The following PAPPA2 variants were observed in gnomAD, a reference collection of about 807,000 sequenced individuals.
The protein encoded by PAPPA2 is pappalysin 2.
Under a neutral mutation model 176.4 loss-of-function variants are expected in PAPPA2, and 86 were observed. The observed-to-expected ratio is 0.49, with a 90% confidence interval of 0.41 to 0.58. The LOEUF (loss-of-function observed/expected upper bound fraction) is 0.58, where lower values mean the gene tolerates loss of function less well. Among genes scored for constraint, PAPPA2 ranks in the 20% least tolerant of loss-of-function variants. The pLI, the probability that PAPPA2 is intolerant of heterozygous loss-of-function variation, is 0.00. For synonymous variants in PAPPA2, 809 were observed against 852.2 expected (o/e 0.95, Z 0.88); for missense variants, 2,073 against 2,256.9 (o/e 0.92, Z 1.65).
chr1:176,782,053 C>CT (rs1366573985), intron 17 of PAPPA2, among the ~76,000 whole-genome samples: 1 of 152,140 alleles, frequency 6.6e-6, no homozygotes, highest in Non-Finnish European at 1.5e-5. Flanking sequence ...CACAAATGCA[C>CT]TAAGTGAAGA....
chr1:176,478,958 G>A (rs2102475747), intron 1 of PAPPA2, among the ~76,000 whole-genome samples: 1 of 152,326 alleles, frequency 6.6e-6, no homozygotes, highest in South Asian at 2.1e-4. Context: ...TAAGATCTAA[G>A]TTATACAGGG....
intron 12 of PAPPA2, among the ~76,000 whole-genome samples, chr1:176,719,767 T>G (rs931175189): frequency 2.8e-4 from 42 of 152,356 alleles, no homozygotes; most frequent in Admixed American, 2.7e-3. Flanking sequence ...GTATTATCAT[T>G]TTTCATTTAT....
intron 14 of PAPPA2, among the ~76,000 whole-genome samples, chr1:176,759,897 A>G (rs937415096): frequency 1.3e-5 from 2 of 152,164 alleles, no homozygotes; most frequent in Admixed American, 6.5e-5. Flanking sequence ...CTAAGTCTGA[A>G]CCTACCCCTA....
At chr1:176,791,517 A>G (rs1557874248) in intron 19 of PAPPA2, 35 bp downstream of exon 19, 1 of 1,585,398 alleles carries the variant, frequency 6.3e-7, no homozygotes, top group African/African-American at 1.4e-5. Context: ...GTCAATTTCT[A>G]TGTCATTCTT....
intron 12 of PAPPA2, among the ~76,000 whole-genome samples, chr1:176,715,830 A>T (rs1571218707): frequency 6.6e-6 from 1 of 152,148 alleles, no homozygotes; most frequent in Non-Finnish European, 1.5e-5. Flanking sequence ...ATCATTAGCC[A>T]CCAACACAGA....
chr1:176,574,641 C>G (rs572310340), intron 2 of PAPPA2, among the ~76,000 whole-genome samples: 1 of 152,128 alleles, frequency 6.6e-6, no homozygotes, highest in Admixed American at 6.5e-5. Context: ...CTATTGGCTA[C>G]TCTCTGGAAG....
intron 21 of PAPPA2, among the ~76,000 whole-genome samples, chr1:176,822,469 T>C (rs7543058): frequency 0.15 from 23,090 of 152,138 alleles, 1,855 homozygotes; most frequent in Middle Eastern, 0.25. Flanking sequence ...CTCCCACAAA[T>C]TTGATTGATT....
At chr1:176,514,181 G>A (rs1648773091) in intron 1 of PAPPA2, among the ~76,000 whole-genome samples, 1 of 152,206 alleles carries the variant, frequency 6.6e-6, no homozygotes, top group Non-Finnish European at 1.5e-5. Context: ...TCTACTTCTG[G>A]TGAGGCCTCA....
intron 12 of PAPPA2, among the ~76,000 whole-genome samples, chr1:176,732,454 C>T (rs749929263): frequency 1.3e-5 from 2 of 152,102 alleles, no homozygotes; most frequent in African/African-American, 2.4e-5. Flanking sequence ...TGATTTCTTT[C>T]GGATCTGCAT....
At chr1:176,759,770 T>A (rs1281662868) in intron 14 of PAPPA2, among the ~76,000 whole-genome samples, 2 of 152,112 alleles carry the variant, frequency 1.3e-5, no homozygotes, top group Non-Finnish European at 2.9e-5. Flanking sequence ...TCATGGAAAG[T>A]TTATTGATGG....
intron 9 of PAPPA2, among the ~76,000 whole-genome samples, chr1:176,703,131 A>T (rs1205624664): frequency 6.6e-6 from 1 of 152,146 alleles, no homozygotes; most frequent in South Asian, 2.1e-4. Flanking sequence ...CTGAAAGAGG[A>T]TCTCTTTTGA....
chr1:176,665,868 A>T (rs1410875170), intron 3 of PAPPA2, among the ~76,000 whole-genome samples: 1 of 152,198 alleles, frequency 6.6e-6, no homozygotes, highest in Non-Finnish European at 1.5e-5. Flanking sequence ...TAGAACCACC[A>T]ATTACATTGA....
intron 3 of PAPPA2, among the ~76,000 whole-genome samples, chr1:176,649,356 A>G (rs962403078): frequency 1.0e-4 from 15 of 147,898 alleles, no homozygotes; most frequent in African/African-American, 3.7e-4. Context: ...AATAGTTTGC[A>G]TATTTTATCT....
At chr1:176,660,537 A>G (rs1658305246) in intron 3 of PAPPA2, among the ~76,000 whole-genome samples, 1 of 152,148 alleles carries the variant, frequency 6.6e-6, no homozygotes, top group African/African-American at 2.4e-5. Context: ...AGGGGCAAAT[A>G]CAGAGATCTG....
At chr1:176,541,520 G>T (rs934757335) in intron 1 of PAPPA2, among the ~76,000 whole-genome samples, 10 of 152,126 alleles carry the variant, frequency 6.6e-5, no homozygotes, top group Non-Finnish European at 1.3e-4. Flanking sequence ...GCATCCTTGG[G>T]CAGGCACCAG....
At chr1:176,650,016 T>C (rs898374478) in intron 3 of PAPPA2, among the ~76,000 whole-genome samples, 3 of 151,646 alleles carry the variant, frequency 2.0e-5, no homozygotes, top group Admixed American at 6.6e-5. Flanking sequence ...CTTACTATTA[T>C]TGTATTGCAG....
At chr1:176,743,336 T>C (rs894587002) in intron 14 of PAPPA2, among the ~76,000 whole-genome samples, 23 of 152,336 alleles carry the variant, frequency 1.5e-4, no homozygotes, top group Non-Finnish European at 2.6e-4. Context: ...TCTGTCTCAG[T>C]CTTGTTTCTC....
chr1:176,553,552 G>A (rs1651093326), intron 1 of PAPPA2: 1 of 152,110 alleles, frequency 6.6e-6, no homozygotes, highest in Non-Finnish European at 1.5e-5. Context: ...TGAAGGGAGA[G>A]AGAGAGAAAC....
Position 176,793,668 on chromosome 1 carries a change from A to G in PAPPA2, c.5129A>G (p.Gln1710Arg). 6.3e-7 allele frequency: 1 copy of G among 1,588,374 alleles called. No individual in the cohort carries two copies. Among genetic ancestry groups the G allele is most frequent in the Admixed American group, 1.7e-5 (1 of 58,584 alleles). ...CACTGGATGGAACCTGTCAAAGTCC[A>G]GGTGAGGAAAGGGACATTGTTATGT... ...LEHWMEPVKV[Q>R]SIVCTGRRQW... The change falls in exon 20 of 23, where the codon CAG (glutamine) becomes CGG (arginine). Residue 1710 changes from glutamine to arginine, a missense_variant and splice_region_variant. Physicochemically the swap from Gln to Arg is conservative, Grantham distance 43. This residue lies in a region of PAPPA2 where 846 missense variants were observed against 857.9 expected (regional missense o/e 0.99). Coordinates refer to ENST00000367662, the MANE Select transcript of PAPPA2 (RefSeq NM_020318.3).
Sources: allele counts gnomAD v4.1 joint callset (sites outside exome capture counted in the v4.1 genomes callset), GRCh38; gene constraint gnomAD v4.1.1; regional missense constraint gnomAD v4.1.1; transcripts MANE v1.5; gene names NCBI Gene and HGNC (gene_info 2026-07-23, HGNC 2026-07-21).